Variants in FHIT observed in about 807,000 individuals in gnomAD.
The protein encoded by FHIT is bis(5'-adenosyl)-triphosphatase.
A neutral mutation model predicts 17.9 loss-of-function variants in FHIT; 19 were observed. The ratio of observed to expected loss-of-function variants is 1.06; its 90% CI spans 0.74 to 1.56. The LOEUF is 1.56. Among genes scored for constraint, FHIT ranks in the 40% most tolerant of loss-of-function variants. The pLI is 0.00. For synonymous variants in FHIT, 81 were observed against 69.7 expected, an observed-to-expected ratio of 1.16 and a Z score of -0.81; for missense variants, 248 against 189.2, an observed-to-expected ratio of 1.31 and a Z score of -1.82.
intron 5 of FHIT, among the ~76,000 whole-genome samples, chr3:60,276,544 G>A (rs191108678): frequency 3.7e-4 from 57 of 152,270 alleles, no homozygotes; most frequent in East Asian, 7.7e-4. Context: ...TTTGTGTCAC[G>A]AGCGAACAAG....
chr3:60,965,837 C>T (rs113663447), intron 3 of FHIT, among the ~76,000 whole-genome samples: 69 of 152,288 alleles, frequency 4.5e-4, no homozygotes, highest in Middle Eastern at 3.4e-3. Context: ...TGTGAGGTGT[C>T]AGTCGGCCCC....
chr3:60,450,474 G>A (rs1264237824), intron 5 of FHIT, among the ~76,000 whole-genome samples: 4 of 152,102 alleles, frequency 2.6e-5, no homozygotes, highest in Non-Finnish European at 5.9e-5. Flanking sequence ...AACTATGCAA[G>A]TGACAAAGCA....
rs552880909 is a variant in FHIT at position 59,883,906 on chromosome 3, C to T, written c.348+38440G>A. On this transcript the variant is annotated intron_variant, in intron 8 of 9. Coordinates refer to ENST00000492590, the MANE Select transcript of FHIT (RefSeq NM_002012.4). ...ATAGTACAAAAAATTAAGAAAATAC[C>T]CTTTAGTGTTCTATATCTATTATCT... Among the ~76,000 whole-genome samples, 517 of 152,050 alleles carry T rather than the reference C, an allele frequency of 3.4e-3. 2 individuals carry two copies. The highest frequency in any genetic ancestry group is 0.012 in the African/African-American group (492 of 41,454).
At chr3:60,233,135 C>G (rs766561674) in intron 5 of FHIT, among the ~76,000 whole-genome samples, 6 of 152,118 alleles carry the variant, frequency 3.9e-5, no homozygotes, top group Non-Finnish European at 7.4e-5. Flanking sequence ...AGTCACTATA[C>G]TTTTCTATTT....
chr3:60,123,987 TATATATATATATATATATATATAGAGAG>T (rs1165121812), intron 5 of FHIT, among the ~76,000 whole-genome samples: 99 of 52,224 alleles, frequency 1.9e-3, no homozygotes, highest in South Asian at 3.5e-3. Flanking sequence ...TATATATATA[TATATATATATATATATATATATAGAGAG>T]AGAGAGAGAG....
chr3:60,248,561 T>C (rs1705523030), intron 5 of FHIT, among the ~76,000 whole-genome samples: 1 of 152,148 alleles, frequency 6.6e-6, no homozygotes, highest in Non-Finnish European at 1.5e-5. Context: ...TCTAAAGTAC[T>C]GAACTTTTAA....
intron 4 of FHIT, among the ~76,000 whole-genome samples, chr3:60,720,133 A>T (rs1335103262): frequency 1.3e-5 from 2 of 152,180 alleles, no homozygotes; most frequent in East Asian, 3.9e-4. Flanking sequence ...CCTCTGCTCC[A>T]GAAGCACTGG....
chr3:61,111,798 C>A (rs1478179360), intron 2 of FHIT, among the ~76,000 whole-genome samples: 10 of 152,128 alleles, frequency 6.6e-5, no homozygotes, highest in Non-Finnish European at 1.5e-4. Context: ...TACATATGTA[C>A]GTATGTGCAC....
intron 8 of FHIT, among the ~76,000 whole-genome samples, chr3:59,900,630 T>C (rs928398069): frequency 6.6e-6 from 1 of 152,138 alleles, no homozygotes; most frequent in African/African-American, 2.4e-5. Context: ...TTTGTTTTTT[T>C]TGAGATGGAG....
chr3:60,132,528 G>C (rs1230178555), intron 5 of FHIT, among the ~76,000 whole-genome samples: 2 of 152,194 alleles, frequency 1.3e-5, no homozygotes, highest in African/African-American at 2.4e-5. Context: ...AAAGAATGGA[G>C]AAAGCCCTTT....
chr3:60,648,075 G>T (rs1236653954), intron 4 of FHIT, among the ~76,000 whole-genome samples: 1 of 152,040 alleles, frequency 6.6e-6, no homozygotes. Context: ...TCAAGCTTAG[G>T]AAAAAAGGGA....
At chr3:60,539,616 A>G (rs991470802) in intron 4 of FHIT, among the ~76,000 whole-genome samples, 8 of 152,236 alleles carry the variant, frequency 5.3e-5, no homozygotes, top group Non-Finnish European at 1.0e-4. Context: ...CAGCCATAAA[A>G]AAGGATGAGT....
At chr3:59,970,455 C>T (rs1708124429) in intron 7 of FHIT, among the ~76,000 whole-genome samples, 3 of 152,052 alleles carry the variant, frequency 2.0e-5, no homozygotes. Context: ...GAAGCAGCAC[C>T]AGTTCCCCCT....
intron 8 of FHIT, among the ~76,000 whole-genome samples, chr3:59,881,251 C>A (rs990125514): frequency 6.6e-6 from 1 of 152,156 alleles, no homozygotes; most frequent in African/African-American, 2.4e-5. Context: ...AGGCCAGGTT[C>A]CAACCCATTA....
chr3:60,794,720 A>G (rs2108128159), intron 4 of FHIT, among the ~76,000 whole-genome samples: 1 of 152,226 alleles, frequency 6.6e-6, no homozygotes, highest in African/African-American at 2.4e-5. Flanking sequence ...TTAACTTTAA[A>G]TTTTCATAAT....
At chr3:60,264,185 A>G (rs1260250312) in intron 5 of FHIT, among the ~76,000 whole-genome samples, 1 of 151,976 alleles carries the variant, frequency 6.6e-6, no homozygotes, top group Non-Finnish European at 1.5e-5. Flanking sequence ...CTTAAATCCT[A>G]GAAGAAAATG....
At chr3:60,144,657 G>T (rs1700166262) in intron 5 of FHIT, among the ~76,000 whole-genome samples, 1 of 151,994 alleles carries the variant, frequency 6.6e-6, no homozygotes, top group Admixed American at 6.6e-5. Context: ...ACAATTTGAT[G>T]TTTCAATACA....
chr3:60,944,933 G>T (rs1171070452), intron 3 of FHIT, among the ~76,000 whole-genome samples: 1 of 152,138 alleles, frequency 6.6e-6, no homozygotes, highest in Admixed American at 6.5e-5. Flanking sequence ...AGGCACTAAG[G>T]ATACAGAAGT....
chr3:60,433,254 G>A (rs1237409534), intron 5 of FHIT, among the ~76,000 whole-genome samples: 1 of 151,920 alleles, frequency 6.6e-6, no homozygotes, highest in Admixed American at 6.6e-5. Flanking sequence ...GGTGAATAAT[G>A]TTCATATATA....
Sources: gnomAD v4.1 joint callset for allele counts (sites outside exome capture counted in the v4.1 genomes callset) on GRCh38, gnomAD v4.1.1 for gene constraint, MANE v1.5 for transcripts, NCBI Gene and HGNC (gene_info 2026-07-23, HGNC 2026-07-21) for gene names.